The following MTSS1 variants were observed in gnomAD, a reference collection of about 807,000 sequenced individuals.
MTSS1 encodes the protein protein MTSS 1.
In MTSS1, 18 loss-of-function variants were observed where a neutral mutation model predicts 79.0. The ratio of observed to expected loss-of-function variants is 0.23; its 90% CI spans 0.16 to 0.34. MTSS1 has a LOEUF of 0.34. Among genes scored for constraint, MTSS1 ranks in the 10% least tolerant of loss-of-function variants. MTSS1 has a pLI of 1.00. For missense variants in MTSS1, 815 were observed against 986.2 expected (o/e 0.83, Z 2.33); for synonymous variants, 341 against 368.6 (o/e 0.93, Z 0.86).
chr8:124,652,811 AAAC>A lies in MTSS1; in HGVS notation c.208+46712_208+46714del, dbSNP rs1269681802. Among the ~76,000 whole-genome samples the A allele has an allele frequency of 7.2e-5, 11 of 151,888 alleles. 1 individual carries two copies. Among genetic ancestry groups the A allele is most frequent in the African/African-American group, 2.7e-4 (11 of 41,318 alleles). On this transcript the variant is annotated intron_variant, in intron 3 of 13. Coordinates refer to ENST00000518547, the MANE Select transcript of MTSS1 (RefSeq NM_014751.6). The stretch of plus-strand genomic sequence containing the variant: ...CTCCGTCTCAAAAAAAAAAAAAAAA[AAAC>A]ACAGCCATCAAGAGCAACTCTAAAG...
chr8:124,583,083 A>G (rs576368153), intron 6 of MTSS1, among the ~76,000 whole-genome samples: 2 of 152,326 alleles, frequency 1.3e-5, no homozygotes, highest in African/African-American at 4.8e-5. Context: ...ATTCTCTAGA[A>G]CATTCCAAGC....
chr8:124,675,591 C>T (rs925228159), intron 3 of MTSS1, among the ~76,000 whole-genome samples: 1 of 152,196 alleles, frequency 6.6e-6, no homozygotes, highest in African/African-American at 2.4e-5. Flanking sequence ...CCACCTCTAC[C>T]TAGTTCAAAA....
chr8:124,591,505 A>AT (rs1028435949), intron 3 of MTSS1, among the ~76,000 whole-genome samples: 1 of 151,988 alleles, frequency 6.6e-6, no homozygotes, highest in Non-Finnish European at 1.5e-5. Context: ...ATTCCATCTG[A>AT]TTTTTTTTGT....
intron 3 of MTSS1, 33 bp from the exon 4 acceptor site, chr8:124,591,268 A>G: frequency 6.4e-7 from 1 of 1,568,004 alleles, no homozygotes; most frequent in African/African-American, 1.3e-5. Context: ...GGTGAGGGAT[A>G]GAAGACTAGC....
intron 3 of MTSS1, among the ~76,000 whole-genome samples, chr8:124,642,736 G>A (rs1818282335): frequency 6.6e-6 from 1 of 152,078 alleles, no homozygotes; most frequent in African/African-American, 2.4e-5. Context: ...GAGATTACAG[G>A]TGCATGCCAC....
chr8:124,596,035 G>A (rs751569211), intron 3 of MTSS1, among the ~76,000 whole-genome samples: 4 of 152,188 alleles, frequency 2.6e-5, no homozygotes, highest in African/African-American at 4.8e-5. Context: ...GCTGCCATCA[G>A]CCATCCTATG....
Position 124,636,131 on chromosome 8 carries a change from C to T in MTSS1, c.209-44896G>A, listed in dbSNP as rs539694363. Among the ~76,000 whole-genome samples the T allele has an allele frequency of 8.5e-5, 13 of 152,220 alleles. No individual in the cohort carries two copies. In the South Asian group the frequency reaches 2.7e-3, roughly 32 times the overall value. The stretch of plus-strand genomic sequence containing the variant: ...CCTGTGCTGGAACCTCAGCTACTAA[C>T]TTTCTCCTTCTTCTTTGAGATGGAG... On this transcript the variant is annotated intron_variant, in intron 3 of 13. Transcript: ENST00000518547.
In MTSS1 at chr8:124,597,957, C is replaced by T. The variant is rs143837705; in HGVS notation, c.209-6722G>A. Among the ~76,000 whole-genome samples the T allele has an allele frequency of 0.01, 1,577 of 152,168 alleles. 48 individuals are homozygous for T. The highest frequency in any genetic ancestry group is 0.066 in the Admixed American group (1,012 of 15,290). Reference sequence around the variant, plus strand: ...CCTCAGCCCTGCTGACATTTTGAACCGGATCATTTTTTGTTATCAATAATG... The same window carrying T: ...CCTCAGCCCTGCTGACATTTTGAACTGGATCATTTTTTGTTATCAATAATG... On this transcript the variant is annotated intron_variant, in intron 3 of 13. Transcript: ENST00000518547. The surrounding 1 kb of genome is among the most constrained non-coding windows in gnomAD (Gnocchi z 4.6).
intron 3 of MTSS1, among the ~76,000 whole-genome samples, chr8:124,591,480 ACT>A (rs1410147526): frequency 2.0e-5 from 3 of 151,994 alleles, no homozygotes; most frequent in Admixed American, 6.6e-5. Context: ...TATATACCAC[ACT>A]CTGTTAGTTT....
chr8:124,556,189 G>C, intron 12 of MTSS1, 43 bp downstream of exon 12: 3 of 1,613,538 alleles, frequency 1.9e-6, no homozygotes, highest in Admixed American at 1.7e-5. Context: ...TCCCCAGCCA[G>C]GCTGAGGTGG....
At chr8:124,708,636 T>C (rs143862563) in intron 1 of MTSS1, among the ~76,000 whole-genome samples, 1,914 of 152,246 alleles carry the variant, frequency 0.013, 16 homozygotes, top group Non-Finnish European at 0.02. Flanking sequence ...CTCAAACCAC[T>C]GAAGAAACTT....
intron 4 of MTSS1, among the ~76,000 whole-genome samples, 176 bp downstream of exon 4, chr8:124,590,975 C>A (rs11994108): frequency 0.21 from 31,640 of 152,056 alleles, 3,625 homozygotes; most frequent in African/African-American, 0.27. Context: ...ATCTGCTGCA[C>A]CCCCAGGGCC....
At chr8:124,650,395 A>T (rs575058904) in intron 3 of MTSS1, among the ~76,000 whole-genome samples, 2 of 152,280 alleles carry the variant, frequency 1.3e-5, no homozygotes, top group Admixed American at 1.3e-4. Context: ...TGACACCCAC[A>T]TATGCTAGGT....
chr8:124,643,698 CAAA>C (rs11323836), intron 3 of MTSS1, among the ~76,000 whole-genome samples: 113 of 66,896 alleles, frequency 1.7e-3, no homozygotes, highest in African/African-American at 6.2e-3. Context: ...AATTCCGTCT[CAAA>C]AAAAAAAAAA....
rs74633465 is a variant in MTSS1 at position 124,568,514 on chromosome 8, C to T, written c.483G>A (p.Gln161=). Reference sequence around the variant, plus strand: ...TGACATCTTGGAGAGCACTGTCCAACTGAGGCTGGATATCACCTCTCCCTG... The same window carrying T: ...TGACATCTTGGAGAGCACTGTCCAATTGAGGCTGGATATCACCTCTCCCTG... ...AKKGRGDIQP[Q]LDSALQDVND... The change falls in exon 7 of 14, where the codon CAG becomes CAA. Residue 161 remains glutamine (Q), a synonymous_variant. Coordinates refer to ENST00000518547, the MANE Select transcript of MTSS1 (RefSeq NM_014751.6). 6.8e-3 allele frequency: 11,025 copies of T among 1,614,180 alleles called. 48 individuals carry two copies. The highest frequency in any genetic ancestry group is 0.011 in the Middle Eastern group (69 of 6,062).
intron 1 of MTSS1, among the ~76,000 whole-genome samples, chr8:124,722,180 TG>T (rs1409793026): frequency 6.6e-6 from 1 of 152,124 alleles, no homozygotes; most frequent in Non-Finnish European, 1.5e-5. Context: ...TTAGAACCTA[TG>T]ACCAAGGCCA....
chr8:124,717,510 A>T (rs57500238), intron 1 of MTSS1, among the ~76,000 whole-genome samples: 12 of 143,440 alleles, frequency 8.4e-5, no homozygotes, highest in East Asian at 2.0e-4. Flanking sequence ...CAGGAGAATC[A>T]CTTGAACCTG....
At chr8:124,705,313 A>T (rs1830240174) in intron 1 of MTSS1, among the ~76,000 whole-genome samples, 1 of 152,054 alleles carries the variant, frequency 6.6e-6, no homozygotes, top group Admixed American at 6.5e-5. Flanking sequence ...TCTACTAAAA[A>T]TACAAAAATT....
intron 2 of MTSS1, among the ~76,000 whole-genome samples, chr8:124,701,481 G>T (rs1031272950): frequency 7.2e-5 from 11 of 152,142 alleles, no homozygotes; most frequent in Admixed American, 5.9e-4. Context: ...CCACTTTGAA[G>T]CATATTTTTT....
Sources: gnomAD v4.1 joint callset for allele counts (sites outside exome capture counted in the v4.1 genomes callset) on GRCh38, gnomAD v4.1.1 for gene constraint, Gnocchi (gnomAD v3.1) non-coding constraint, MANE v1.5 for transcripts, NCBI Gene and HGNC (gene_info 2026-07-23, HGNC 2026-07-21) for gene names.